Variants in RAB3GAP1 observed in about 807,000 individuals in gnomAD.
RAB3GAP1 encodes the protein rab3 GTPase-activating protein catalytic subunit.
Under a neutral mutation model 130.7 loss-of-function variants are expected in RAB3GAP1, and 86 were observed. The observed-to-expected ratio is 0.66, with a 90% CI of 0.55 to 0.79. RAB3GAP1 has a LOEUF of 0.79. RAB3GAP1 is among the 30% of genes least tolerant of loss of function. RAB3GAP1 has a pLI of 0.00. For missense variants in RAB3GAP1, 1,029 were observed against 1,169.4 expected (o/e 0.88, Z 1.75); for synonymous variants, 367 against 401.7 (o/e 0.91, Z 1.03).
chr2:135,168,521 C>G, intron 23 of RAB3GAP1, 24 bp from the exon 24 acceptor site: 1 of 1,595,346 alleles, frequency 6.3e-7, no homozygotes, highest in Non-Finnish European at 8.6e-7. Context: ...CTGCTTTTGA[C>G]TTTAGCATTT....
intron 3 of RAB3GAP1, among the ~76,000 whole-genome samples, chr2:135,075,110 TA>T (rs1025971793): frequency 3.4e-4 from 52 of 152,342 alleles, no homozygotes; most frequent in Admixed American, 1.2e-3. Context: ...AAAAGTTAAG[TA>T]AACACTTTAA....
intron 3 of RAB3GAP1, among the ~76,000 whole-genome samples, chr2:135,072,118 C>G (rs1689492571): frequency 6.6e-6 from 1 of 152,124 alleles, no homozygotes; most frequent in South Asian, 2.1e-4. Context: ...ACTGTGTTGA[C>G]CAGGCTGGTC....
intron 3 of RAB3GAP1, among the ~76,000 whole-genome samples, chr2:135,082,165 A>AATGAATGAATGAATG (rs1558767033): frequency 4.2e-4 from 43 of 102,720 alleles, no homozygotes; most frequent in African/African-American, 2.7e-3. Context: ...ATGAATGAAT[A>AATGAATGAATGAATG]AATAAATAAA....
intron 2 of RAB3GAP1, 134 bp downstream of exon 2, chr2:135,052,619 C>A: frequency 9.6e-7 from 1 of 1,039,994 alleles, no homozygotes; most frequent in Non-Finnish European, 1.5e-6. Context: ...GGGTCTCCTC[C>A]CCCAGTCTTC....
In RAB3GAP1 at chr2:135,108,515, C is replaced by CTT. The variant is rs199985816; in HGVS notation, c.363-4623_363-4622dup. Among the ~76,000 whole-genome samples the CTT allele has an allele frequency of 1.9e-4, 24 of 128,680 alleles. 1 individual carries two copies. Among genetic ancestry groups the CTT allele is most frequent in the South Asian group, 2.4e-4 (1 of 4,114 alleles). 84.4% of individuals were successfully genotyped at this position (128,680 alleles called of 152,430 possible). Reference sequence around the variant, plus strand: ...AGGTGTCTGGTTGAAGTCTTTGGGGCTTTTTTTTTTTTTTAGCTTCGATTA... The same window carrying CTT: ...AGGTGTCTGGTTGAAGTCTTTGGGGCTTTTTTTTTTTTTTTTAGCTTCGATTA... On this transcript the variant is annotated intron_variant, in intron 5 of 23. Coordinates refer to ENST00000264158, the MANE Select transcript of RAB3GAP1 (RefSeq NM_012233.3).
intron 3 of RAB3GAP1, among the ~76,000 whole-genome samples, chr2:135,083,262 A>G (rs912238659): frequency 2.0e-5 from 3 of 152,134 alleles, no homozygotes; most frequent in African/African-American, 7.2e-5. Context: ...TACTGCGAGT[A>G]ATGCTATGAG....
At chr2:135,096,936 G>A (rs1408683907) in intron 5 of RAB3GAP1, among the ~76,000 whole-genome samples, 1 of 152,108 alleles carries the variant, frequency 6.6e-6, no homozygotes, top group African/African-American at 2.4e-5. Context: ...ATTAAATGAA[G>A]TAATGAAACC....
chr2:135,117,642 T>TCTTCTGCTTCTGCTG (rs1691047618), intron 7 of RAB3GAP1, among the ~76,000 whole-genome samples: 2 of 145,474 alleles, frequency 1.4e-5, no homozygotes, highest in African/African-American at 5.3e-5. Context: ...TTCTGCTTCT[T>TCTTCTGCTTCTGCTG]CTTCTGCTTC....
chr2:135,057,553 C>T (rs911758449), intron 2 of RAB3GAP1, among the ~76,000 whole-genome samples: 1 of 152,174 alleles, frequency 6.6e-6, no homozygotes, highest in Non-Finnish European at 1.5e-5. Context: ...TGCCACCACA[C>T]CGGGCTAATT....
chr2:135,106,046 A>C lies in RAB3GAP1; in HGVS notation c.363-7105A>C, dbSNP rs1294977320. Among the ~76,000 whole-genome samples the C allele has an allele frequency of 4.8e-5, 7 of 145,344 alleles. No homozygotes were observed. The East Asian group carries it at 1.5e-3, about 31-fold the overall frequency. ...AGCCCCTCCGCCCGGCAGCCGCCCC[A>C]TCTGGGAAGTGAGGAGCGTCTCGGC... On this transcript the variant is annotated intron_variant, in intron 5 of 23. Coordinates refer to ENST00000264158, the MANE Select transcript of RAB3GAP1 (RefSeq NM_012233.3).
At position 135,153,809 on chromosome 2, in the gene RAB3GAP1, A is replaced by G. The variant is rs150586651; in HGVS notation, c.2222A>G (p.Glu741Gly). 6.2e-7 allele frequency: 1 copy of G among 1,614,074 alleles called. No homozygotes were observed. The highest frequency in any genetic ancestry group is 8.5e-7 in the Non-Finnish European group (1 of 1,179,928). ...IPSNMWVEAW[E>G]TAKPIPARRQ... is the part of the protein sequence containing the mutation. The stretch of plus-strand genomic sequence containing the variant: ...AGCAATATGTGGGTAGAAGCCTGGG[A>G]AACAGCTAAGCCAATTCCTGCTAGA... The change falls in exon 19 of 24, where the codon GAA becomes GGA. Residue 741 changes from glutamate to glycine, a missense_variant. Physicochemically the swap from Glu to Gly is moderately conservative, Grantham distance 98. This residue lies in a region of RAB3GAP1 where 373 missense variants were observed against 493.6 expected (regional missense o/e 0.76). Coordinates refer to ENST00000264158, the MANE Select transcript of RAB3GAP1 (RefSeq NM_012233.3).
chr2:135,073,133 G>A (rs1689524843), intron 3 of RAB3GAP1, among the ~76,000 whole-genome samples: 1 of 152,190 alleles, frequency 6.6e-6, no homozygotes, highest in Non-Finnish European at 1.5e-5. Flanking sequence ...GCCCCAAAGG[G>A]GTGTGGAATA....
rs558128313 is a variant in RAB3GAP1, at chr2:135,132,568, T to TA, written c.1237-320dup. On this transcript the variant is annotated intron_variant, in intron 13 of 23. Transcript: ENST00000264158. ...TTTGTTTTTTAGATAGTAGTAACAC[T>TA]AAAAAAATGTAATGGCCTTGGGTGA... Among the ~76,000 whole-genome samples the TA allele has an allele frequency of 1.6e-3, 250 of 152,234 alleles. 3 individuals carry two copies. The Middle Eastern group carries it at 0.027, about 17-fold the overall frequency.
Position 135,135,640 on chromosome 2 carries a change from T to G in RAB3GAP1, c.1631T>G (p.Ile544Arg). 1 of 1,613,050 alleles carries G rather than the reference T, an allele frequency of 6.2e-7. No homozygotes were observed. The highest frequency in any genetic ancestry group is 8.5e-7 in the Non-Finnish European group (1 of 1,179,580). ...ACAAGTGCTTCAGATGTCACTAATA[T>G]ATATCCAGGGGATGCTGGAAAAGCA... ...KKTSASDVTN[I>R]YPGDAGKAGD... is the part of the protein sequence containing the mutation. Residue 544 changes from isoleucine to arginine, a missense_variant, in exon 17 of 24, where the codon ATA (isoleucine) becomes AGA (arginine). Physicochemically the swap from Ile to Arg is moderately conservative, Grantham distance 97 (BLOSUM62 -3). Around this residue, in one of 3 missense-constraint regions of RAB3GAP1, gnomAD observed 373 missense variants for 493.6 expected, o/e 0.76. Transcript: ENST00000264158.
rs560479099 is a variant in RAB3GAP1 at position 135,140,461 on chromosome 2, T to G, written c.1923+4529T>G. On this transcript the variant is annotated intron_variant, in intron 17 of 23. Coordinates refer to ENST00000264158, the MANE Select transcript of RAB3GAP1 (RefSeq NM_012233.3). ...GATTTTCTAGGAAGACTCATAAGAC[T>G]TAGCCCATAATCATGCTCGTGGCTA... 2.0e-5 allele frequency among the ~76,000 whole-genome samples: 3 copies of G among 152,300 alleles called. No homozygotes were observed. The South Asian group carries it at 6.2e-4, about 32-fold the overall frequency.
At chr2:135,089,878 T>A (rs542051932) in intron 3 of RAB3GAP1, 2 of 381,720 alleles carry the variant, frequency 5.2e-6, no homozygotes, top group Non-Finnish European at 1.1e-5. Context: ...TAAGTGTGAG[T>A]TGAACAGTGA....
At chr2:135,149,307 C>G (rs1025101183) in intron 17 of RAB3GAP1, among the ~76,000 whole-genome samples, 1 of 152,046 alleles carries the variant, frequency 6.6e-6, no homozygotes, top group Non-Finnish European at 1.5e-5. Flanking sequence ...GTATACTGAC[C>G]CTTAGTCAAA....
At chr2:135,142,319 G>A (rs1691866479) in intron 17 of RAB3GAP1, among the ~76,000 whole-genome samples, 2 of 151,960 alleles carry the variant, frequency 1.3e-5, no homozygotes, top group Admixed American at 1.3e-4. Context: ...TATTTTAAAA[G>A]TTCATTTTCC....
At chr2:135,101,276 A>G (rs1690440982) in intron 5 of RAB3GAP1, among the ~76,000 whole-genome samples, 1 of 152,334 alleles carries the variant, frequency 6.6e-6, no homozygotes, top group South Asian at 2.1e-4. Flanking sequence ...AATGCTTCAG[A>G]GATACTGAAG....
Sources: gnomAD v4.1 joint callset for allele counts (sites outside exome capture counted in the v4.1 genomes callset) on GRCh38, gnomAD v4.1.1 for gene constraint, gnomAD v4.1.1 regional missense constraint, MANE v1.5 for transcripts, NCBI Gene and HGNC (gene_info 2026-07-23, HGNC 2026-07-21) for gene names.